SLC45A2: variants seen among roughly 807,000 people sequenced by gnomAD.
SLC45A2 encodes the protein membrane-associated transporter protein.
A neutral mutation model predicts 45.5 loss-of-function variants in SLC45A2; 36 were observed. That is an observed-to-expected ratio of 0.79 (90% confidence interval 0.61 to 1.04). The LOEUF is 1.04. Ranked by LOEUF, SLC45A2 falls within the 50% of genes least tolerant of loss-of-function variation. SLC45A2 has a pLI of 0.00. For missense variants in SLC45A2, 719 were observed against 671.0 expected (o/e 1.07, Z -0.79); for synonymous variants, 306 against 269.3 (o/e 1.14, Z -1.33).
At chr5:33,945,763 G>A (rs1751903504) in intron 6 of SLC45A2, 1 of 183,026 alleles carries the variant, frequency 5.5e-6, no homozygotes, top group African/African-American at 2.4e-5. Context: ...CTGAGGGCCT[G>A]CGAGCTTAAA....
At chr5:33,960,596 G>A (rs1752423078) in intron 3 of SLC45A2, among the ~76,000 whole-genome samples, 1 of 152,070 alleles carries the variant, frequency 6.6e-6, no homozygotes, top group African/African-American at 2.4e-5. Context: ...AACAGACGTT[G>A]GGGACTCAGG....
chr5:33,957,041 TA>T (rs1419167566), intron 3 of SLC45A2, among the ~76,000 whole-genome samples: 1 of 152,302 alleles, frequency 6.6e-6, no homozygotes, highest in African/African-American at 2.4e-5. Flanking sequence ...AGGTTAAAAC[TA>T]GAAGCTATAG....
chr5:33,957,299 G>A (rs930211448), intron 3 of SLC45A2, among the ~76,000 whole-genome samples: 1 of 152,246 alleles, frequency 6.6e-6, no homozygotes, highest in South Asian at 2.1e-4. Flanking sequence ...GTACTGGCTA[G>A]TTTATAAGAC....
At chr5:33,983,410 C>G (rs944394964) in intron 1 of SLC45A2, among the ~76,000 whole-genome samples, 1 of 152,202 alleles carries the variant, frequency 6.6e-6, no homozygotes, top group African/African-American at 2.4e-5. Context: ...AGTAATCCTC[C>G]TTAGAGTCAA....
Position 33,982,246 on chromosome 5 carries a change from G to T in SLC45A2, c.552C>A (p.Ala184=). The T allele has an allele frequency of 6.2e-7, 1 of 1,614,002 alleles. No individual in the cohort carries two copies. The highest frequency in any genetic ancestry group is 8.5e-7 in the Non-Finnish European group (1 of 1,179,924). The part of the protein sequence containing the change: ...QDKEKGLHYH[A]LFTGFGGALG... Reference sequence around the variant, plus strand: ...TGGAATATTCCCTACCTGTGAAGAGGGCATGGTAGTGGAGGCCCTTCTCCT... The same window carrying T: ...TGGAATATTCCCTACCTGTGAAGAGTGCATGGTAGTGGAGGCCCTTCTCCT... The change falls in exon 2 of 7, where the codon GCC becomes GCA. Residue 184 remains alanine, a synonymous_variant. Transcript: ENST00000296589.
rs369422043 is a variant in SLC45A2, at chr5:33,982,153, C to T, written c.562+83G>A. On this transcript the variant is annotated intron_variant, in intron 2 of 6. Transcript: ENST00000296589. ...TGACCCGTTCATTCAAAAAACTCCA[C>T]GTGTAGAGACACTGGATGGCTTTAG... 158 of 1,513,220 alleles carry T rather than the reference C, an allele frequency of 1.0e-4. No homozygotes were observed. The African/African-American group carries it at 1.9e-3, about 18-fold the overall frequency. 93.7% of individuals were successfully genotyped at this position (1,513,220 alleles called of 1,614,324 possible).
rs1490565269 is a variant in SLC45A2, at chr5:33,963,782, T to C, written c.797A>G (p.Tyr266Cys). 6.2e-7 allele frequency: 1 copy of C among 1,614,192 alleles called. No homozygotes were observed. Residue 266 changes from tyrosine (Y) to cysteine (C), a missense_variant, in exon 3 of 7, where the codon TAC (tyrosine) becomes TGC (cysteine). Transcript: ENST00000296589. The stretch of plus-strand genomic sequence containing the variant: ...AACTTTCTCGATAGAACCATACTCG[T>C]ACATTCCATCTGATGACAATGGAGG... ...QDPPLSSDGM[Y>C]EYGSIEKVKN...
In SLC45A2 at chr5:33,979,495, A is replaced by G. The variant is rs115309226; in HGVS notation, c.562+2741T>C. On this transcript the variant is annotated intron_variant, in intron 2 of 6. Coordinates refer to ENST00000296589, the MANE Select transcript of SLC45A2 (RefSeq NM_016180.5). Reference sequence around the variant, plus strand: ...ACTTTAGTTAATTCTATCCTAAATCAGGAAAATAACTGGAAAGGGAAGAGT... The same window carrying G: ...ACTTTAGTTAATTCTATCCTAAATCGGGAAAATAACTGGAAAGGGAAGAGT... Among the ~76,000 whole-genome samples the G allele has an allele frequency of 2.1e-3, 325 of 152,306 alleles. 1 individual carries two copies. Among genetic ancestry groups the G allele is most frequent in the African/African-American group, 7.6e-3 (317 of 41,570 alleles).
chr5:33,967,210 T>G (rs1457733548), intron 2 of SLC45A2, among the ~76,000 whole-genome samples: 1 of 152,222 alleles, frequency 6.6e-6, no homozygotes, highest in African/African-American at 2.4e-5. Context: ...TGATTAGAAC[T>G]AATGGATTAT....
At chr5:33,979,828 G>A (rs1378261792) in intron 2 of SLC45A2, among the ~76,000 whole-genome samples, 4 of 152,128 alleles carry the variant, frequency 2.6e-5, no homozygotes, top group Non-Finnish European at 2.9e-5. Context: ...GACCTTGGCC[G>A]AGAGGAAGGG....
chr5:33,970,883 G>A (rs1752756813), intron 2 of SLC45A2: 2 of 359,346 alleles, frequency 5.6e-6, no homozygotes, highest in African/African-American at 4.3e-5. Flanking sequence ...CTAGAGATAA[G>A]ATATTTCAGG....
At chr5:33,969,044 A>ATCTCTCTCTCTCTCTCTCT (rs1752692013) in intron 2 of SLC45A2, among the ~76,000 whole-genome samples, 1 of 90,388 alleles carries the variant, frequency 1.1e-5, no homozygotes, top group African/African-American at 4.1e-5. Flanking sequence ...AGTACCAGCT[A>ATCTCTCTCTCTCTCTCTCT]CTCTCTCTCT....
chr5:33,956,982 T>C (rs764834008), intron 3 of SLC45A2, among the ~76,000 whole-genome samples: 3 of 152,136 alleles, frequency 2.0e-5, no homozygotes, highest in Non-Finnish European at 4.4e-5. Context: ...CACACATATA[T>C]GTAAAAAATG....
chr5:33,977,731 G>A (rs1397557370), intron 2 of SLC45A2, among the ~76,000 whole-genome samples: 3 of 152,156 alleles, frequency 2.0e-5, no homozygotes, highest in South Asian at 2.1e-4. Context: ...AGACCTGCCC[G>A]CTGCTCCTGG....
At chr5:33,952,714 C>A (rs1429629497) in intron 4 of SLC45A2, among the ~76,000 whole-genome samples, 11 of 119,588 alleles carry the variant, frequency 9.2e-5, no homozygotes, top group Non-Finnish European at 3.4e-5. Context: ...TTATTATACT[C>A]TAAGTTTTAG....
chr5:33,978,715 A>T (rs2112005739), intron 2 of SLC45A2, among the ~76,000 whole-genome samples: 1 of 152,262 alleles, frequency 6.6e-6, no homozygotes, highest in African/African-American at 2.4e-5. Flanking sequence ...ACATTTATTG[A>T]TTTATATCTT....
At chr5:33,946,937 C>A in intron 6 of SLC45A2, 1 of 1,455,294 alleles carries the variant, frequency 6.9e-7, no homozygotes. Flanking sequence ...CCCTACAGCT[C>A]CCTAAGTGAG....
intron 4 of SLC45A2, among the ~76,000 whole-genome samples, chr5:33,952,766 A>T (rs1349377542): frequency 1.5e-5 from 2 of 137,380 alleles, no homozygotes; most frequent in African/African-American, 5.5e-5. Flanking sequence ...ATATGTATAC[A>T]TGTGCCATGC....
chr5:33,953,510 T>C (rs2111923941), intron 4 of SLC45A2, among the ~76,000 whole-genome samples: 1 of 152,166 alleles, frequency 6.6e-6, no homozygotes, highest in South Asian at 2.1e-4. Context: ...GAAGTGTCTG[T>C]TCAGATTTTG....
Sources: gnomAD v4.1 joint callset for allele counts (sites outside exome capture counted in the v4.1 genomes callset) on GRCh38, gnomAD v4.1.1 for gene constraint, MANE v1.5 for transcripts, NCBI Gene and HGNC (gene_info 2026-07-23, HGNC 2026-07-21) for gene names.